Variants in NDST4 observed in about 807,000 individuals in gnomAD.
The protein encoded by NDST4 is N-heparan sulfate sulfotransferase 4.
In NDST4, 63 loss-of-function variants were observed where a neutral mutation model predicts 100.8. The observed-to-expected ratio is 0.62, with a 90% CI of 0.51 to 0.77. The LOEUF (loss-of-function observed/expected upper bound fraction) is 0.77. NDST4 is among the 30% of genes least tolerant of loss of function. The pLI is 0.00. For synonymous variants in NDST4, 377 were observed against 361.8 expected (o/e 1.04, Z -0.48); for missense variants, 943 against 1,018.4 (o/e 0.93, Z 1.01).
intron 1 of NDST4, among the ~76,000 whole-genome samples, chr4:115,087,040 T>C (rs1382999): frequency 0.47 from 70,634 of 151,776 alleles, 17,052 homozygotes; most frequent in Non-Finnish European, 0.55. Context: ...ACTACTAAAA[T>C]AATAATCAAA....
intron 2 of NDST4, among the ~76,000 whole-genome samples, chr4:115,022,341 G>GTACATATGTGTTCCACA (rs1727856733): frequency 2.5e-5 from 3 of 121,068 alleles, no homozygotes; most frequent in African/African-American, 7.3e-5. Flanking sequence ...TGTGTTCCAC[G>GTACATATGTGTTCCACA]TACATATGTG....
chr4:115,112,655 T>C (rs930872246), intron 1 of NDST4, among the ~76,000 whole-genome samples: 2 of 151,682 alleles, frequency 1.3e-5, no homozygotes, highest in African/African-American at 2.4e-5. Flanking sequence ...CTAAGAAAAA[T>C]AAGGTTTAAT....
chr4:114,839,825 A>G (rs1723389161), intron 10 of NDST4, among the ~76,000 whole-genome samples: 1 of 152,210 alleles, frequency 6.6e-6, no homozygotes, highest in Non-Finnish European at 1.5e-5. Context: ...CTATATATCA[A>G]GTGGTATACA....
At chr4:114,888,686 A>G (rs1397545491) in intron 6 of NDST4, among the ~76,000 whole-genome samples, 1 of 152,258 alleles carries the variant, frequency 6.6e-6, no homozygotes, top group Non-Finnish European at 1.5e-5. Context: ...TTGTTAATCC[A>G]TAAGTTATTT....
At chr4:114,941,153 A>T (rs1866943) in intron 4 of NDST4, among the ~76,000 whole-genome samples, 23,522 of 152,146 alleles carry the variant, frequency 0.15, 2,507 homozygotes, top group African/African-American at 0.29. Context: ...GTGTAATATG[A>T]TTCTCATAAT....
At chr4:115,038,255 A>C (rs1560576148) in intron 2 of NDST4, among the ~76,000 whole-genome samples, 2 of 152,204 alleles carry the variant, frequency 1.3e-5, no homozygotes, top group Non-Finnish European at 2.9e-5. Context: ...TTACTTTGCT[A>C]TCCTTAGTTT....
intron 6 of NDST4, among the ~76,000 whole-genome samples, chr4:114,913,637 T>C (rs936817546): frequency 7.9e-5 from 12 of 151,772 alleles, no homozygotes; most frequent in South Asian, 4.2e-4. Context: ...TTAAGAATAT[T>C]TTTCTACCTT....
intron 2 of NDST4, among the ~76,000 whole-genome samples, chr4:115,007,771 T>C (rs553636820): frequency 2.3e-5 from 3 of 129,566 alleles, no homozygotes; most frequent in East Asian, 5.0e-4. Context: ...TTCTGGAATA[T>C]GTTCAGCAGG....
At chr4:115,033,305 A>G (rs1728162725) in intron 2 of NDST4, among the ~76,000 whole-genome samples, 2 of 151,078 alleles carry the variant, frequency 1.3e-5, no homozygotes, top group African/African-American at 4.9e-5. Flanking sequence ...TTGTAGAAAC[A>G]AGATTTTGCC....
At chr4:114,879,033 T>G (rs1360426690) in intron 6 of NDST4, among the ~76,000 whole-genome samples, 1 of 152,056 alleles carries the variant, frequency 6.6e-6, no homozygotes, top group Non-Finnish European at 1.5e-5. Flanking sequence ...TTTTTAGGTT[T>G]TATTTTATTT....
At chr4:115,079,653 A>C (rs981456560) in intron 1 of NDST4, among the ~76,000 whole-genome samples, 5 of 152,310 alleles carry the variant, frequency 3.3e-5, no homozygotes, top group Admixed American at 2.6e-4. Flanking sequence ...ATCAGAGAGA[A>C]TTAAACTAGC....
At chr4:114,905,603 A>G (rs1724933608) in intron 6 of NDST4, among the ~76,000 whole-genome samples, 1 of 151,944 alleles carries the variant, frequency 6.6e-6, no homozygotes, top group South Asian at 2.1e-4. Flanking sequence ...AATGATAATT[A>G]ATTAACATCT....
intron 13 of NDST4, among the ~76,000 whole-genome samples, chr4:114,828,474 C>T (rs1308557575): frequency 1.3e-5 from 2 of 151,714 alleles, no homozygotes; most frequent in Non-Finnish European, 2.9e-5. Flanking sequence ...TTTTGGTTTC[C>T]AAAATATTAT....
chr4:114,953,248 CT>C (rs1029848664), intron 4 of NDST4, among the ~76,000 whole-genome samples: 3 of 151,986 alleles, frequency 2.0e-5, no homozygotes, highest in African/African-American at 7.2e-5. Context: ...GCCTAAGAAC[CT>C]TTCTCCATTT....
chr4:114,843,542 CT>C (rs1192885143), intron 10 of NDST4, among the ~76,000 whole-genome samples: 3 of 152,184 alleles, frequency 2.0e-5, no homozygotes, highest in Non-Finnish European at 4.4e-5. Context: ...TTCTTCACCC[CT>C]AATTACTTCT....
intron 4 of NDST4, among the ~76,000 whole-genome samples, chr4:114,960,691 T>A (rs1008396724): frequency 6.6e-6 from 1 of 152,188 alleles, no homozygotes; most frequent in Admixed American, 6.5e-5. Context: ...ATAATTTCAT[T>A]GCTATGACTA....
In NDST4 at chr4:114,839,513, C is replaced by A; in HGVS notation, c.2151G>T (p.Arg717Ser). 1 of 1,613,716 alleles carries A rather than the reference C, an allele frequency of 6.2e-7. No homozygotes were observed. Residue 717 changes from arginine to serine, a missense_variant, in exon 11 of 14, where the codon AGG becomes AGT. Physicochemically the swap from Arg to Ser is moderately radical, Grantham distance 110 (BLOSUM62 -1). Coordinates refer to ENST00000264363, the MANE Select transcript of NDST4 (RefSeq NM_022569.3). ...TTGAAATAACTTCATAGAAATTGAA[C>A]CTCAGAGCAGCTGGATCTTCATGTG... is the stretch of plus-strand genomic sequence containing the variant. ...QRSHEDPAAL[R>S]FNFYEVISTG... is the part of the protein sequence containing the mutation.
At chr4:114,867,745 A>G (rs1033353857) in intron 7 of NDST4, among the ~76,000 whole-genome samples, 4 of 146,726 alleles carry the variant, frequency 2.7e-5, no homozygotes, top group Admixed American at 6.7e-5. Flanking sequence ...ATAATAAAGG[A>G]CATGAATTAA....
intron 4 of NDST4, among the ~76,000 whole-genome samples, chr4:114,960,944 G>C (rs561349069): frequency 2.0e-5 from 3 of 152,164 alleles, no homozygotes; most frequent in Admixed American, 1.3e-4. Context: ...ACAATGTATT[G>C]CTGAATTTGT....
Sources: allele counts gnomAD v4.1 joint callset (sites outside exome capture counted in the v4.1 genomes callset), GRCh38; gene constraint gnomAD v4.1.1; transcripts MANE v1.5; gene names NCBI Gene and HGNC (gene_info 2026-07-23, HGNC 2026-07-21).